The following KLHL23 variants were observed in gnomAD, a reference collection of about 807,000 sequenced individuals.
KLHL23 encodes kelch-like protein 23.
In KLHL23, 33 loss-of-function variants were observed where a neutral mutation model predicts 48.9. The ratio of observed to expected loss-of-function variants is 0.67; its 90% confidence interval spans 0.51 to 0.90. The LOEUF is 0.90. Among genes scored for constraint, KLHL23 ranks in the 40% least tolerant of loss-of-function variants. The probability of loss-of-function intolerance (pLI) is 0.00; values close to 1 mark genes in which losing one functional copy is unlikely to be tolerated. For missense variants in KLHL23, 608 were observed against 669.6 expected, an observed-to-expected ratio of 0.91 and a Z score of 1.02; for synonymous variants, 234 against 231.6, an observed-to-expected ratio of 1.01 and a Z score of -0.09.
intron 3 of KLHL23, among the ~76,000 whole-genome samples, chr2:169,742,477 A>G (rs2105650960): frequency 6.6e-6 from 1 of 152,354 alleles, no homozygotes. Flanking sequence ...ACAGTTTCAC[A>G]GTTTGAAAGT....
In KLHL23 at chr2:169,735,098, A is replaced by G; in HGVS notation, c.84A>G (p.Thr28=). 2.5e-6 allele frequency: 4 copies of G among 1,608,092 alleles called. No homozygotes were observed. Among genetic ancestry groups the G allele is most frequent in the Non-Finnish European group, 3.4e-6 (4 of 1,178,580 alleles). Residue 28 remains threonine (T), a synonymous_variant, in exon 2 of 4, where the codon ACA becomes ACG. Transcript: ENST00000392647. The surrounding 1 kb of genome is among the most constrained non-coding windows in gnomAD (Gnocchi z 4.5). ...TGGATTTTCTGGATGCATTCAGAAC[A>G]TTTTACTTGGATGGATTATTTACTG... ...HPVDFLDAFR[T]FYLDGLFTDI... is the part of the protein sequence containing the mutation.
At chr2:169,740,257 C>T (rs895986554) in intron 2 of KLHL23, among the ~76,000 whole-genome samples, 1 of 151,976 alleles carries the variant, frequency 6.6e-6, no homozygotes, top group Non-Finnish European at 1.5e-5. Flanking sequence ...GGACTACAGG[C>T]ACATGCTATC....
In KLHL23 at chr2:169,736,214, A is replaced by T. The variant is rs575974014; in HGVS notation, c.1200A>T (p.Ala400=). The T allele has an allele frequency of 4.0e-5, 65 of 1,606,688 alleles. No homozygotes were observed. In the East Asian group the frequency reaches 1.4e-3, roughly 35 times the overall value. ...DPLKEKWIPI[A]NMIKGVGNAT... ...TAAAAGAGAAATGGATTCCTATTGC[A>T]AACATGATTAAAGGTAAGTGGAGAT... The change falls in exon 2 of 4, where the codon GCA becomes GCT. Residue 400 remains alanine (A), a synonymous_variant. Transcript: ENST00000392647.
chr2:169,750,367 T>C lies in KLHL23; in HGVS notation c.*635T>C, dbSNP rs1363754061. On this transcript the variant is annotated 3_prime_UTR_variant, in exon 4 of 4. Coordinates refer to ENST00000392647, the MANE Select transcript of KLHL23 (RefSeq NM_144711.6). ...AGTAGATAGTGCATATTAAGATGTC[T>C]GGCTGGGCATGGTGGCTCATGCCTG... 6.6e-6 allele frequency: 1 copy of C among 152,014 alleles called. No homozygotes were observed. Among genetic ancestry groups the C allele is most frequent in the Non-Finnish European group, 1.5e-5 (1 of 67,960 alleles). 9.4% of individuals were successfully genotyped at this position (152,014 alleles called of 1,614,324 possible).
intron 3 of KLHL23, among the ~76,000 whole-genome samples, chr2:169,748,620 T>A (rs1338675847): frequency 6.6e-6 from 1 of 151,972 alleles, no homozygotes; most frequent in Admixed American, 6.6e-5. Context: ...TTTTGCACCC[T>A]AAGCACTTCG....
rs1257740865 is a variant in KLHL23, at chr2:169,749,692, C to T, written c.1637C>T (p.Ala546Val). The T allele has an allele frequency of 2.2e-5, 35 of 1,612,060 alleles. No individual in the cohort carries two copies. The highest frequency in any genetic ancestry group is 2.9e-5 in the Non-Finnish European group (34 of 1,178,454). The change falls in exon 4 of 4, where the codon GCC becomes GTC. Residue 546 changes from alanine to valine, a missense_variant. Ala to Val is a moderately conservative substitution (Grantham distance 64). Around this residue, in one of 3 missense-constraint regions of KLHL23, gnomAD observed 179 missense variants for 169.9 expected, o/e 1.05. Coordinates refer to ENST00000392647, the MANE Select transcript of KLHL23 (RefSeq NM_144711.6). ...KWEIVGNLPSAMRSHGCVCVY... is the reference protein window; with the variant it reads ...KWEIVGNLPSVMRSHGCVCVY... Reference sequence around the variant, plus strand: ...GAAATAGTGGGTAATCTTCCCAGTGCCATGCGGTCTCATGGGTGTGTTTGT... The same window carrying T: ...GAAATAGTGGGTAATCTTCCCAGTGTCATGCGGTCTCATGGGTGTGTTTGT...
chr2:169,749,914 T>TAG lies in KLHL23; in HGVS notation c.*183_*184insGA. 1 of 79,776 alleles carries TAG rather than the reference T, an allele frequency of 1.3e-5. No homozygotes were observed. Among genetic ancestry groups the TAG allele is most frequent in the Non-Finnish European group, 2.2e-5 (1 of 44,550 alleles). 4.9% of individuals were successfully genotyped at this position (79,776 alleles called of 1,614,324 possible). On this transcript the variant is annotated 3_prime_UTR_variant, in exon 4 of 4. Coordinates refer to ENST00000392647, the MANE Select transcript of KLHL23 (RefSeq NM_144711.6). ...GGTGATTCATGGTCAAGAAAAATCT[T>TAG]ATATATATATATATATACACACACA...
chr2:169,737,180 C>T (rs73020381), intron 2 of KLHL23, among the ~76,000 whole-genome samples: 1,579 of 152,318 alleles, frequency 0.01, 22 homozygotes, highest in Middle Eastern at 0.051. Context: ...GACAATATTA[C>T]CTAGTCTCGG....
chr2:169,740,766 T>TTTTATATATATA lies in KLHL23; in HGVS notation c.1214-618_1214-617insTTATATATATAT, dbSNP rs1553477016. Among the ~76,000 whole-genome samples, 237 of 125,482 alleles carry TTTTATATATATA rather than the reference T, an allele frequency of 1.9e-3. 1 individual carries two copies. The highest frequency in any genetic ancestry group is 7.9e-3 in the East Asian group (31 of 3,936). 82.3% of individuals were successfully genotyped at this position (125,482 alleles called of 152,430 possible). A position where few individuals can be genotyped will look rare whatever the true frequency, so the allele number is the denominator to read the frequency against. On this transcript the variant is annotated intron_variant, in intron 2 of 3. Coordinates refer to ENST00000392647, the MANE Select transcript of KLHL23 (RefSeq NM_144711.6). ...CCCGGCCTCTATAAGCTTTTTTATA[T>TTTTATATATATA]TATATATATATATATATATATATAT...
chr2:169,736,177 T>G lies in KLHL23; in HGVS notation c.1163T>G (p.Phe388Cys), dbSNP rs771819423. 1 of 1,612,674 alleles carries G rather than the reference T, an allele frequency of 6.2e-7. No individual in the cohort carries two copies. The highest frequency in any genetic ancestry group is 1.7e-5 in the Admixed American group (1 of 59,574). The stretch of plus-strand genomic sequence containing the variant: ...GGGGCTCCAGCAGAAGAGGCTGAGT[T>G]CTATGATCCTTTAAAAGAGAAATGG... ...RKGAPAEEAE[F>C]YDPLKEKWIP... The change falls in exon 2 of 4, where the codon TTC becomes TGC. Residue 388 changes from phenylalanine (F) to cysteine (C), a missense_variant. Phe to Cys is a radical substitution (Grantham distance 205, BLOSUM62 -2). Coordinates refer to ENST00000392647, the MANE Select transcript of KLHL23 (RefSeq NM_144711.6).
chr2:169,747,258 G>T (rs1688812491), intron 3 of KLHL23, among the ~76,000 whole-genome samples: 1 of 151,818 alleles, frequency 6.6e-6, no homozygotes, highest in Admixed American at 6.6e-5. Context: ...CAGCTACAGT[G>T]CACACCTGTA....
chr2:169,743,739 A>G (rs750322461), intron 3 of KLHL23, among the ~76,000 whole-genome samples: 89 of 152,058 alleles, frequency 5.9e-4, no homozygotes, highest in Non-Finnish European at 1.1e-3. Flanking sequence ...AGTCCTTCCA[A>G]TTCTCCTCAC....
intron 2 of KLHL23, among the ~76,000 whole-genome samples, chr2:169,738,527 C>T (rs57171673): frequency 0.15 from 22,672 of 152,034 alleles, 1,718 homozygotes; most frequent in Middle Eastern, 0.23. Flanking sequence ...AATTTGGGTA[C>T]AGTCAAATTT....
chr2:169,747,699 C>G (rs765878788), intron 3 of KLHL23, among the ~76,000 whole-genome samples: 1 of 150,326 alleles, frequency 6.7e-6, no homozygotes, highest in African/African-American at 2.4e-5. Context: ...GGGACACAAG[C>G]GTACAAAGTA....
At chr2:169,742,795 A>G (rs2105651287) in intron 3 of KLHL23, among the ~76,000 whole-genome samples, 1 of 152,284 alleles carries the variant, frequency 6.6e-6, no homozygotes, top group South Asian at 2.1e-4. Flanking sequence ...CAGACTCCCC[A>G]CCACTTTCTG....
At chr2:169,743,909 A>T (rs1688732891) in intron 3 of KLHL23, among the ~76,000 whole-genome samples, 1 of 152,252 alleles carries the variant, frequency 6.6e-6, no homozygotes, top group African/African-American at 2.4e-5. Flanking sequence ...CCTCCTGAGG[A>T]ATTAAAATGT....
At position 169,735,834 on chromosome 2, in the gene KLHL23, A is replaced by G. The variant is rs769761941; in HGVS notation, c.820A>G (p.Thr274Ala). 1.2e-6 allele frequency: 2 copies of G among 1,614,158 alleles called. No individual in the cohort carries two copies. Among genetic ancestry groups the G allele is most frequent in the Middle Eastern group, 1.6e-4 (1 of 6,062 alleles). ...AGAGATTTCCCAGAGGTCCACAGCCACAATGTATATAATTGGAGGCTATTA... is the reference window on the plus strand; with the variant it reads ...AGAGATTTCCCAGAGGTCCACAGCCGCAATGTATATAATTGGAGGCTATTA... Reference protein sequence around the residue: ...HKEISQRSTATMYIIGGYYWH... With the variant: ...HKEISQRSTAAMYIIGGYYWH... The change falls in exon 2 of 4, where the codon ACA becomes GCA. Residue 274 changes from threonine (T) to alanine (A), a missense_variant. Physicochemically the swap from Thr to Ala is moderately conservative, Grantham distance 58. This residue lies in a region of KLHL23 where 419 missense variants were observed against 473.1 expected (regional missense o/e 0.89). Coordinates refer to ENST00000392647, the MANE Select transcript of KLHL23 (RefSeq NM_144711.6). The surrounding 1 kb of genome is among the most constrained non-coding windows in gnomAD (Gnocchi z 4.5).
chr2:169,751,025 A>T lies in KLHL23; in HGVS notation c.*1293A>T, dbSNP rs1574533542. 1 of 152,200 alleles carries T rather than the reference A, an allele frequency of 6.6e-6. No homozygotes were observed. The allele number at this position is 152,200 out of a possible 1,614,324, so 9.4% of individuals were successfully genotyped here. A position where few individuals can be genotyped will look rare whatever the true frequency, so the allele number is the denominator to read the frequency against. On this transcript the variant is annotated 3_prime_UTR_variant, in exon 4 of 4. Coordinates refer to ENST00000392647, the MANE Select transcript of KLHL23 (RefSeq NM_144711.6). ...ACTTAAGTCATTTAACCTCTCCTTG[A>T]TTAGAGCTTCCTGAGCCATGCACAC...
At position 169,742,901 on chromosome 2, in the gene KLHL23, A is replaced by G. The variant is rs943524206; in HGVS notation, c.1366+1364A>G. Among the ~76,000 whole-genome samples the G allele has an allele frequency of 2.6e-5, 4 of 152,252 alleles. No individual in the cohort carries two copies. In the South Asian group the frequency reaches 8.3e-4, roughly 31 times the overall value. On this transcript the variant is annotated intron_variant, in intron 3 of 3. Coordinates refer to ENST00000392647, the MANE Select transcript of KLHL23 (RefSeq NM_144711.6). ...AGTCAGTGTGTGGCAGGCACAAACT[A>G]TTCCAGTAATTTTACATGTATAATC...
Sources: allele counts gnomAD v4.1 joint callset (sites outside exome capture counted in the v4.1 genomes callset), GRCh38; gene constraint gnomAD v4.1.1; regional missense constraint gnomAD v4.1.1; non-coding constraint Gnocchi (gnomAD v3.1); transcripts MANE v1.5; gene names NCBI Gene and HGNC (gene_info 2026-07-23, HGNC 2026-07-21).